Variants in HMGXB4 observed in about 807,000 individuals in gnomAD.
HMGXB4 encodes HMG domain-containing protein 4.
Under a neutral mutation model 63.9 loss-of-function variants are expected in HMGXB4, and 27 were observed. The ratio of observed to expected loss-of-function variants is 0.42; its 90% confidence interval spans 0.31 to 0.58. HMGXB4 has a LOEUF of 0.58. HMGXB4 is among the 20% of genes least tolerant of loss of function. The pLI is 0.13. For missense variants in HMGXB4, 624 were observed against 700.7 expected (o/e 0.89, Z 1.24); for synonymous variants, 264 against 265.3 (o/e 0.99, Z 0.05).
intron 7 of HMGXB4, among the ~76,000 whole-genome samples, chr22:35,286,604 C>T (rs1165814220): frequency 6.6e-6 from 1 of 152,168 alleles, no homozygotes; most frequent in Non-Finnish European, 1.5e-5. Flanking sequence ...AGTTCCAGCA[C>T]TTTGGGAGGC....
At chr22:35,257,737 C>T (rs1922522261) in intron 1 of HMGXB4, among the ~76,000 whole-genome samples, 180 bp downstream of exon 1, 1 of 152,202 alleles carries the variant, frequency 6.6e-6, no homozygotes, top group Non-Finnish European at 1.5e-5. Context: ...GCAGCCGCCC[C>T]CAGGAAGGGG....
At chr22:35,273,014 C>T (rs1923700960) in intron 5 of HMGXB4, among the ~76,000 whole-genome samples, 1 of 152,168 alleles carries the variant, frequency 6.6e-6, no homozygotes, top group African/African-American at 2.4e-5. Flanking sequence ...AAAATATGCA[C>T]ATTTTCTCTA....
chr22:35,287,491 T>G, intron 8 of HMGXB4, 39 bp downstream of exon 8: 2 of 1,433,026 alleles, frequency 1.4e-6, no homozygotes, highest in Non-Finnish European at 2.0e-6. Flanking sequence ...CTCTAAAGCA[T>G]GTGAATTTTG....
At chr22:35,266,470 A>T (rs1458270374) in intron 5 of HMGXB4, among the ~76,000 whole-genome samples, 1 of 152,222 alleles carries the variant, frequency 6.6e-6, no homozygotes, top group African/African-American at 2.4e-5. Flanking sequence ...AGCAGGACAT[A>T]GTTGTTGACT....
At chr22:35,255,808 CA>C (rs1468827323), upstream of HMGXB4, among the ~76,000 whole-genome samples, 1 of 152,176 alleles carries the variant, frequency 6.6e-6, no homozygotes, top group African/African-American at 2.4e-5. Context: ...CTCTGAAGAA[CA>C]AAAAGGAAAT....
At chr22:35,242,852 C>G in the HMGXB4 span, among the ~76,000 whole-genome samples, 5 of 152,100 alleles carry the variant, frequency 3.3e-5, no homozygotes, top group African/African-American at 1.2e-4. Flanking sequence ...ACTTGTTCAT[C>G]TTTTTCAGAC....
chr22:35,289,142 A>AAAAG (rs71939802), intron 9 of HMGXB4, among the ~76,000 whole-genome samples: 18 of 149,724 alleles, frequency 1.2e-4, no homozygotes, highest in South Asian at 2.1e-4. Flanking sequence ...TCCATCACAA[A>AAAAG]AAAGAAAGAA....
chr22:35,242,453 A>T, the HMGXB4 span, among the ~76,000 whole-genome samples: 14 of 152,116 alleles, frequency 9.2e-5, no homozygotes, highest in African/African-American at 3.1e-4. Context: ...GTTGTTCAAA[A>T]TACTCCCTTA....
chr22:35,245,888 C>G, the HMGXB4 span, among the ~76,000 whole-genome samples: 2 of 152,176 alleles, frequency 1.3e-5, no homozygotes, highest in African/African-American at 4.8e-5. Context: ...TTGATCCCCA[C>G]AGGGTCCCAC....
intron 5 of HMGXB4, among the ~76,000 whole-genome samples, chr22:35,273,392 T>C (rs1466589540): frequency 6.6e-6 from 1 of 152,220 alleles, no homozygotes; most frequent in Non-Finnish European, 1.5e-5. Context: ...GGATTCTTAC[T>C]CTGGTCTGCC....
intron 6 of HMGXB4, among the ~76,000 whole-genome samples, chr22:35,285,725 C>CA (rs1569005156): frequency 1.3e-5 from 2 of 151,828 alleles, no homozygotes; most frequent in South Asian, 4.2e-4. Flanking sequence ...GACTCAGTCT[C>CA]AAAAAAAGAC....
intron 5 of HMGXB4, among the ~76,000 whole-genome samples, chr22:35,275,485 AAAACAGGGTCTT>A (rs1923857196): frequency 6.6e-6 from 1 of 152,226 alleles, no homozygotes; most frequent in Non-Finnish European, 1.5e-5. Context: ...TGTATTCTTT[AAAACAGGGTCTT>A]AAACTAGAGT....
Position 35,293,708 on chromosome 22 carries a change from T to C in HMGXB4, c.*57T>C. 7.3e-7 allele frequency: 1 copy of C among 1,375,100 alleles called. No individual in the cohort carries two copies. Among genetic ancestry groups the C allele is most frequent in the Admixed American group, 1.7e-5 (1 of 58,472 alleles). 85.2% of individuals were successfully genotyped at this position (1,375,100 alleles called of 1,614,324 possible). ...CTACACCATTGCTGGTTTGTGTATA[T>C]ATGACTGTTGCAGATTCCTTCAGTG... On this transcript the variant is annotated 3_prime_UTR_variant, in exon 11 of 11. Transcript: ENST00000216106.
intron 6 of HMGXB4, among the ~76,000 whole-genome samples, chr22:35,285,029 T>C (rs1236606588): frequency 2.6e-5 from 4 of 152,258 alleles, no homozygotes; most frequent in Non-Finnish European, 5.9e-5. Flanking sequence ...TTCAGAAATT[T>C]GGTAAAAACC....
At chr22:35,281,384 C>CTAT (rs1924235662) in intron 5 of HMGXB4, among the ~76,000 whole-genome samples, 1 of 152,196 alleles carries the variant, frequency 6.6e-6, no homozygotes, top group African/African-American at 2.4e-5. Context: ...CACAGGTACT[C>CTAT]AATAAACGCT....
At chr22:35,243,874 T>C in the HMGXB4 span, among the ~76,000 whole-genome samples, 1 of 152,280 alleles carries the variant, frequency 6.6e-6, no homozygotes, top group South Asian at 2.1e-4. Flanking sequence ...ACCTGAAAAA[T>C]ATTGCTCCAC....
Position 35,265,270 on chromosome 22 carries a change from A to AGACT in HMGXB4, c.883_886dup (p.Ser296Ter). The AGACT allele has an allele frequency of 6.2e-7, 1 of 1,614,160 alleles. No individual in the cohort carries two copies. Among genetic ancestry groups the AGACT allele is most frequent in the East Asian group, 2.2e-5 (1 of 44,888 alleles). On this transcript the variant is annotated frameshift_variant, in exon 5 of 11. Transcript: ENST00000216106. LOFTEE classifies it high-confidence loss of function. Reference sequence around the variant, plus strand: ...GGCTTGAACCTATTCTGGTAGAATCAGACTCATCCTCTGGTGGGGAACTAG... The same window carrying AGACT: ...GGCTTGAACCTATTCTGGTAGAATCAGACTGACTCATCCTCTGGTGGGGAACTAG...
At chr22:35,254,474 G>A (rs1044391420), upstream of HMGXB4, among the ~76,000 whole-genome samples, 4 of 152,142 alleles carry the variant, frequency 2.6e-5, no homozygotes, top group African/African-American at 7.2e-5. Flanking sequence ...AGCTAGCTCC[G>A]GTGTGCACCT....
chr22:35,269,014 T>A lies in HMGXB4; in HGVS notation c.1215+3411T>A, dbSNP rs80108324. ...CTTACTGCACTTATTTTCTTCCTTA[T>A]ATTGGCATTATCTTTGTACATATTC... is the stretch of plus-strand genomic sequence containing the variant. On this transcript the variant is annotated intron_variant, in intron 5 of 10. Coordinates refer to ENST00000216106, the MANE Select transcript of HMGXB4 (RefSeq NM_001003681.3). 7.4e-3 allele frequency among the ~76,000 whole-genome samples: 1,132 copies of A among 152,342 alleles called. 12 individuals are homozygous for A. The highest frequency in any genetic ancestry group is 0.026 in the African/African-American group (1,091 of 41,570).
Sources: allele counts gnomAD v4.1 joint callset (sites outside exome capture counted in the v4.1 genomes callset), GRCh38; gene constraint gnomAD v4.1.1; transcripts MANE v1.5; gene names NCBI Gene and HGNC (gene_info 2026-07-23, HGNC 2026-07-21).